TMEM132D: variants seen among roughly 807,000 people sequenced by gnomAD.
TMEM132D encodes mature OL transmembrane protein.
In TMEM132D, 21 loss-of-function variants were observed where a neutral mutation model predicts 62.3. The observed-to-expected ratio is 0.34, with a 90% CI of 0.24 to 0.49. The LOEUF (loss-of-function observed/expected upper bound fraction) is 0.49, where lower values mean the gene tolerates loss of function less well. Among genes scored for constraint, TMEM132D ranks in the 20% least tolerant of loss-of-function variants. The probability of loss-of-function intolerance (pLI) is 0.99; values close to 1 mark genes in which losing one functional copy is unlikely to be tolerated. For missense variants in TMEM132D, 1,346 were observed against 1,402.8 expected (o/e 0.96, Z 0.65); for synonymous variants, 621 against 575.6 (o/e 1.08, Z -1.13).
chr12:129,654,120 A>C (rs1880003359), intron 2 of TMEM132D, among the ~76,000 whole-genome samples: 1 of 152,116 alleles, frequency 6.6e-6, no homozygotes, highest in African/African-American at 2.4e-5. Context: ...CATCTTTGGG[A>C]GGAAGACCAT....
intron 2 of TMEM132D, among the ~76,000 whole-genome samples, chr12:129,637,454 A>G (rs1296032063): frequency 1.3e-5 from 2 of 152,002 alleles, no homozygotes; most frequent in East Asian, 1.9e-4. Flanking sequence ...AGTTCTCACA[A>G]ATGGTTTACT....
chr12:129,896,023 T>G (rs1875112041), intron 1 of TMEM132D, among the ~76,000 whole-genome samples: 3 of 147,602 alleles, frequency 2.0e-5, no homozygotes, highest in East Asian at 2.0e-4. Flanking sequence ...CAGGTTAGAG[T>G]GTATTACATG....
intron 3 of TMEM132D, among the ~76,000 whole-genome samples, chr12:129,453,287 A>C (rs1337212642): frequency 6.6e-6 from 1 of 152,172 alleles, no homozygotes. Context: ...CTACTAAACG[A>C]AGCCCATATC....
chr12:129,500,683 C>G (rs535059599), intron 3 of TMEM132D, among the ~76,000 whole-genome samples: 1 of 152,184 alleles, frequency 6.6e-6, no homozygotes. Context: ...TCCTCCTTCC[C>G]CCGTCCAAAT....
At chr12:129,245,243 C>T (rs1479428046) in intron 4 of TMEM132D, among the ~76,000 whole-genome samples, 5 of 152,144 alleles carry the variant, frequency 3.3e-5, no homozygotes, top group Admixed American at 6.5e-5. Context: ...TAACAACTAC[C>T]GATGTTTTCA....
chr12:129,651,804 G>A (rs886842441), intron 2 of TMEM132D, among the ~76,000 whole-genome samples: 4 of 152,266 alleles, frequency 2.6e-5, no homozygotes, highest in African/African-American at 9.6e-5. Context: ...TAGGAGTTCT[G>A]GGCATACATG....
intron 3 of TMEM132D, among the ~76,000 whole-genome samples, chr12:129,449,568 T>C (rs982054829): frequency 1.3e-5 from 2 of 152,202 alleles, no homozygotes; most frequent in Admixed American, 6.5e-5. Flanking sequence ...ACGGAGTCTC[T>C]GCACATGAGT....
chr12:129,165,492 A>C (rs1056700819), intron 5 of TMEM132D, among the ~76,000 whole-genome samples: 5 of 152,322 alleles, frequency 3.3e-5, no homozygotes, highest in African/African-American at 9.6e-5. Flanking sequence ...TGTTTTAGGG[A>C]TGAATAGATA....
chr12:129,389,390 C>A (rs990290530), intron 3 of TMEM132D, among the ~76,000 whole-genome samples: 14 of 152,064 alleles, frequency 9.2e-5, no homozygotes, highest in African/African-American at 2.7e-4. Flanking sequence ...TATGTGCCAA[C>A]ACTAAGTGGA....
chr12:129,354,446 C>G (rs1869971965), intron 3 of TMEM132D, among the ~76,000 whole-genome samples: 1 of 151,962 alleles, frequency 6.6e-6, no homozygotes, highest in Admixed American at 6.6e-5. Context: ...GCCTCAGTCT[C>G]CCGAGTAGCT....
intron 2 of TMEM132D, among the ~76,000 whole-genome samples, chr12:129,580,269 T>A (rs1225429358): frequency 6.6e-6 from 1 of 152,204 alleles, no homozygotes; most frequent in East Asian, 1.9e-4. Context: ...AAGTGAAATG[T>A]GAAGCCATCA....
chr12:129,639,621 T>A (rs1419745975), intron 2 of TMEM132D, among the ~76,000 whole-genome samples: 1 of 152,072 alleles, frequency 6.6e-6, no homozygotes, highest in Non-Finnish European at 1.5e-5. Context: ...AGACCATGTC[T>A]ACACAGCAAA....
intron 1 of TMEM132D, among the ~76,000 whole-genome samples, chr12:129,717,928 C>T (rs1345338931): frequency 1.3e-5 from 2 of 152,118 alleles, no homozygotes; most frequent in Non-Finnish European, 1.5e-5. Flanking sequence ...GTCAGTGAGC[C>T]GTGCTGGTCG....
intron 1 of TMEM132D, among the ~76,000 whole-genome samples, chr12:129,731,748 C>T (rs1457672201): frequency 6.6e-6 from 1 of 152,060 alleles, no homozygotes; most frequent in East Asian, 1.9e-4. Flanking sequence ...CTGCAAGCTC[C>T]GCCTCCCGGG....
chr12:129,884,884 G>T (rs924953891), intron 1 of TMEM132D, among the ~76,000 whole-genome samples: 3 of 152,174 alleles, frequency 2.0e-5, no homozygotes, highest in African/African-American at 7.2e-5. Context: ...GTGTCTTTCA[G>T]ATAGCTAATG....
rs180777791 is a variant in TMEM132D, at chr12:129,660,865, T to C, written c.968+38945A>G. Among the ~76,000 whole-genome samples the C allele has an allele frequency of 7.2e-5, 11 of 152,230 alleles. No individual in the cohort carries two copies. The East Asian group carries it at 1.5e-3, about 21-fold the overall frequency. On this transcript the variant is annotated intron_variant, in intron 2 of 8. Coordinates refer to ENST00000422113, the MANE Select transcript of TMEM132D (RefSeq NM_133448.3). ...AAATTCACACTCTCATGTTCTCAAA[T>C]AGACACACAGTGGTCAGAGCCTCAC...
chr12:129,076,140 T>A (rs2135607336), intron 8 of TMEM132D, among the ~76,000 whole-genome samples: 1 of 152,326 alleles, frequency 6.6e-6, no homozygotes, highest in South Asian at 2.1e-4. Context: ...GACAAAGTTA[T>A]GCTTGGGAAG....
intron 2 of TMEM132D, among the ~76,000 whole-genome samples, chr12:129,542,129 T>A (rs1876598556): frequency 6.6e-6 from 1 of 152,158 alleles, no homozygotes. Context: ...GACAAGCAGC[T>A]CAGGGGGCCT....
At chr12:129,718,594 G>A (rs1327654404) in intron 1 of TMEM132D, among the ~76,000 whole-genome samples, 5 of 152,200 alleles carry the variant, frequency 3.3e-5, no homozygotes, top group African/African-American at 4.8e-5. Context: ...AAGGAAGAAA[G>A]TGATATTTAC....
Sources: allele counts gnomAD v4.1 joint callset (sites outside exome capture counted in the v4.1 genomes callset), GRCh38; gene constraint gnomAD v4.1.1; transcripts MANE v1.5; gene names NCBI Gene and HGNC (gene_info 2026-07-23, HGNC 2026-07-21).